Variants in RAD51B observed in about 807,000 individuals in gnomAD.
RAD51B encodes DNA repair protein RAD51 homolog 2.
RAD51B carries 38 observed loss-of-function variants against 42.2 expected under a neutral mutation model. The ratio of observed to expected loss-of-function variants is 0.90; its 90% confidence interval spans 0.70 to 1.18. The LOEUF (loss-of-function observed/expected upper bound fraction) is 1.18, where lower values mean the gene tolerates loss of function less well. RAD51B is among the 50% of genes most tolerant of loss of function. RAD51B has a pLI of 0.00. For missense variants in RAD51B, 373 were observed against 400.7 expected (o/e 0.93, Z 0.59); for synonymous variants, 154 against 145.2 (o/e 1.06, Z -0.43).
At chr14:68,421,877 G>T (rs1454414777) in intron 9 of RAD51B, 1 of 1,593,538 alleles carries the variant, frequency 6.3e-7, no homozygotes, top group Non-Finnish European at 8.6e-7. Flanking sequence ...AACCATTTGT[G>T]TTGGGTCCAG....
chr14:68,393,091 G>C (rs1239192313), intron 8 of RAD51B, among the ~76,000 whole-genome samples: 1 of 152,212 alleles, frequency 6.6e-6, no homozygotes, highest in African/African-American at 2.4e-5. Flanking sequence ...GTGTTATAAA[G>C]AATAATGAGG....
Position 67,992,727 on chromosome 14 carries a change from C to A in RAD51B, c.756+105523C>A, listed in dbSNP as rs115587590. On this transcript the variant is annotated intron_variant, in intron 7 of 10. Transcript: ENST00000471583. ...AAATATCTTTATGAAGTTAAAAGGA[C>A]TTAACATAAGTATTTAGAAGGAAAA... Among the ~76,000 whole-genome samples the A allele has an allele frequency of 8.1e-3, 1,223 of 151,594 alleles. 13 individuals are homozygous for A. The highest frequency in any genetic ancestry group is 0.028 in the African/African-American group (1,146 of 41,188).
intron 10 of RAD51B, among the ~76,000 whole-genome samples, chr14:68,531,308 A>G (rs553056486): frequency 6.6e-5 from 10 of 152,332 alleles, no homozygotes; most frequent in Admixed American, 2.6e-4. Flanking sequence ...AAATGTGTCT[A>G]TTAAAAATTG....
At chr14:68,586,381 G>A (rs761781273) in intron 10 of RAD51B, among the ~76,000 whole-genome samples, 75 of 152,140 alleles carry the variant, frequency 4.9e-4, no homozygotes, top group Non-Finnish European at 6.5e-4. Flanking sequence ...GAACATTTGC[G>A]GTGCGCCCAA....
chr14:68,675,670 T>C (rs1406219802), intron 11 of RAD51B, among the ~76,000 whole-genome samples: 1 of 152,236 alleles, frequency 6.6e-6, no homozygotes, highest in African/African-American at 2.4e-5. Flanking sequence ...TCCATTGTGG[T>C]ACACACATCA....
chr14:68,461,138 G>A (rs1263384326), intron 9 of RAD51B, among the ~76,000 whole-genome samples: 2 of 152,008 alleles, frequency 1.3e-5, no homozygotes, highest in African/African-American at 4.8e-5. Flanking sequence ...AAAGTATGAA[G>A]AGATTAGAGA....
intron 7 of RAD51B, among the ~76,000 whole-genome samples, chr14:67,977,702 A>G (rs1216054503): frequency 2.6e-5 from 4 of 152,246 alleles, no homozygotes. Flanking sequence ...ATTCACCAAG[A>G]AAAGTTAAAG....
intron 7 of RAD51B, among the ~76,000 whole-genome samples, chr14:68,158,334 G>T (rs1464263183): frequency 6.6e-6 from 1 of 152,190 alleles, no homozygotes; most frequent in Admixed American, 6.5e-5. Context: ...TAATTCTTCA[G>T]TGTAACACTG....
chr14:67,928,626 T>TGGTG (rs975340220), intron 7 of RAD51B, among the ~76,000 whole-genome samples: 1 of 151,984 alleles, frequency 6.6e-6, no homozygotes, highest in African/African-American at 2.4e-5. Context: ...TTGGTACTTG[T>TGGTG]GGTGACAAGG....
intron 7 of RAD51B, among the ~76,000 whole-genome samples, chr14:67,975,042 T>C (rs1031642276): frequency 6.6e-6 from 1 of 152,170 alleles, no homozygotes; most frequent in African/African-American, 2.4e-5. Context: ...TCTGTATTAG[T>C]TATCAATTGC....
chr14:68,096,414 C>G (rs1056628392), intron 7 of RAD51B, among the ~76,000 whole-genome samples: 19 of 152,166 alleles, frequency 1.2e-4, no homozygotes, highest in Non-Finnish European at 1.9e-4. Context: ...AGTTTCAGGC[C>G]AAGTCGTACC....
chr14:68,001,146 A>C (rs1019053191), intron 7 of RAD51B, among the ~76,000 whole-genome samples: 6 of 152,134 alleles, frequency 3.9e-5, no homozygotes, highest in African/African-American at 1.4e-4. Context: ...TTCTTGGATC[A>C]GAAAATTGAT....
At chr14:68,051,317 A>G (rs899882278) in intron 7 of RAD51B, among the ~76,000 whole-genome samples, 2 of 152,112 alleles carry the variant, frequency 1.3e-5, no homozygotes, top group African/African-American at 4.8e-5. Flanking sequence ...AACATGACTT[A>G]ATGACTGCAG....
At chr14:68,455,752 G>A (rs1459227861) in intron 9 of RAD51B, among the ~76,000 whole-genome samples, 3 of 151,388 alleles carry the variant, frequency 2.0e-5, no homozygotes, top group Admixed American at 2.0e-4. Flanking sequence ...TTTTTAAAAA[G>A]TGTGTTGGTA....
At chr14:68,635,664 T>C (rs1471759149) in intron 10 of RAD51B, among the ~76,000 whole-genome samples, 1 of 152,232 alleles carries the variant, frequency 6.6e-6, no homozygotes, top group Non-Finnish European at 1.5e-5. Flanking sequence ...TTCACTTCTT[T>C]GTACTTAGTC....
chr14:68,240,017 C>T lies in RAD51B; in HGVS notation c.757-51867C>T, dbSNP rs570430386. Among the ~76,000 whole-genome samples the T allele has an allele frequency of 1.6e-4, 25 of 152,376 alleles. No homozygotes were observed. In the South Asian group the frequency reaches 4.4e-3, roughly 27 times the overall value. On this transcript the variant is annotated intron_variant, in intron 7 of 10. Transcript: ENST00000471583. ...CTGTCCATGAGAACATCCACGAAGG[C>T]ATCAGAGCTGAGAGACCTTCTCACT...
At chr14:67,866,758 T>C (rs1276172447) in intron 5 of RAD51B, among the ~76,000 whole-genome samples, 1 of 152,228 alleles carries the variant, frequency 6.6e-6, no homozygotes, top group East Asian at 1.9e-4. Context: ...TCTTATGTTT[T>C]TTGTCTTTGC....
chr14:68,678,434 T>C (rs1893358341), intron 11 of RAD51B, among the ~76,000 whole-genome samples: 1 of 152,264 alleles, frequency 6.6e-6, no homozygotes, highest in African/African-American at 2.4e-5. Flanking sequence ...TTGAGAGCTT[T>C]CTGTGTCTCT....
intron 10 of RAD51B, among the ~76,000 whole-genome samples, chr14:68,530,373 GAA>G (rs1566927920): frequency 1.5e-5 from 2 of 137,208 alleles, no homozygotes; most frequent in Non-Finnish European, 3.0e-5. Flanking sequence ...CTGGAGCCCA[GAA>G]GGTCAAGGCT....
Sources: gnomAD v4.1 joint callset for allele counts (sites outside exome capture counted in the v4.1 genomes callset) on GRCh38, gnomAD v4.1.1 for gene constraint, MANE v1.5 for transcripts, NCBI Gene and HGNC (gene_info 2026-07-23, HGNC 2026-07-21) for gene names.